The following PLXNA2 variants were observed in gnomAD, a reference collection of about 807,000 sequenced individuals.
PLXNA2 encodes plexin A2.
In PLXNA2, 91 loss-of-function variants were observed where a neutral mutation model predicts 193.5. The observed-to-expected ratio is 0.47, with a 90% CI of 0.40 to 0.56. PLXNA2 has a LOEUF of 0.56. Ranked by LOEUF, PLXNA2 falls within the 20% of genes least tolerant of loss-of-function variation. PLXNA2 has a pLI of 0.00. For missense variants in PLXNA2, 1,995 were observed against 2,503.2 expected (o/e 0.80, Z 4.33); for synonymous variants, 997 against 1,027.3 (o/e 0.97, Z 0.56).
At position 208,217,068 on chromosome 1, in the gene PLXNA2, C is replaced by T; in HGVS notation, c.855G>A (p.Lys285=). 6.2e-7 allele frequency: 1 copy of T among 1,613,848 alleles called. No homozygotes were observed. Among genetic ancestry groups the T allele is most frequent in the Non-Finnish European group, 8.5e-7 (1 of 1,179,736 alleles). The change falls in exon 2 of 32, where the codon AAG becomes AAA. Residue 285 remains lysine, a synonymous_variant. Coordinates refer to ENST00000367033, the MANE Select transcript of PLXNA2 (RefSeq NM_025179.4). This position sits in a 1 kb window ranked among gnomAD's most constrained non-coding sequence, Gnocchi z 4.7. The part of the protein sequence containing the change: ...FYTSRIVRLC[K]DDPKFHSYVS... ...CGTATGAGTGGAACTTGGGGTCATC[C>T]TTGCAGAGCCGCACGATGCGTGAGG...
In PLXNA2 at chr1:208,022,303, C is replaced by A. The variant is rs995819366; in HGVS notation, c.*4940G>T. The stretch of plus-strand genomic sequence containing the variant: ...ACTTTATTTATATATAACAACAGTA[C>A]AAATTGTGTCCTCAGCTTGCAAAAT... On this transcript the variant is annotated 3_prime_UTR_variant, in exon 32 of 32. Transcript: ENST00000367033. 1 of 152,252 alleles carries A rather than the reference C, an allele frequency of 6.6e-6. No individual in the cohort carries two copies. Among genetic ancestry groups the A allele is most frequent in the African/African-American group, 2.4e-5 (1 of 41,278 alleles). 9.4% of individuals were successfully genotyped at this position (152,252 alleles called of 1,614,324 possible). A position where few individuals can be genotyped will look rare whatever the true frequency, so the allele number is the denominator to read the frequency against.
intron 4 of PLXNA2, among the ~76,000 whole-genome samples, chr1:208,115,101 C>G (rs1046760956): frequency 6.6e-6 from 1 of 152,108 alleles, no homozygotes; most frequent in Non-Finnish European, 1.5e-5. Context: ...GTTTGGGAAC[C>G]TTTATAGACT....
chr1:208,068,723 C>T (rs12062057), intron 12 of PLXNA2, among the ~76,000 whole-genome samples: 40,836 of 152,124 alleles, frequency 0.27, 5,621 homozygotes, highest in East Asian at 0.36. Context: ...CTGGGCAAAA[C>T]CCAGTGGAGG....
intron 4 of PLXNA2, among the ~76,000 whole-genome samples, chr1:208,103,964 G>C (rs1043764405): frequency 1.1e-4 from 16 of 152,124 alleles, no homozygotes; most frequent in African/African-American, 3.6e-4. Context: ...GCAGGGGCTT[G>C]AGCTGGGCCT....
intron 26 of PLXNA2, 67 bp from the exon 27 acceptor site, chr1:208,034,659 A>T: frequency 1.0e-6 from 1 of 970,976 alleles, no homozygotes. Flanking sequence ...TGGATAGTCA[A>T]GTATTTCTAG....
At chr1:208,201,709 C>T (rs543926436) in intron 3 of PLXNA2, among the ~76,000 whole-genome samples, 39 of 152,022 alleles carry the variant, frequency 2.6e-4, no homozygotes, top group African/African-American at 9.2e-4. Flanking sequence ...TTAATCCTTA[C>T]AACAAATATG....
intron 9 of PLXNA2, among the ~76,000 whole-genome samples, chr1:208,089,018 G>A (rs1052294173): frequency 1.3e-5 from 2 of 152,080 alleles, no homozygotes; most frequent in Non-Finnish European, 2.9e-5. Context: ...GAGTACTTAA[G>A]GTTAAATTAT....
chr1:208,034,420 G>A (rs1380317777), intron 27 of PLXNA2, 73 bp downstream of exon 27: 1 of 923,300 alleles, frequency 1.1e-6, no homozygotes, highest in Non-Finnish European at 1.8e-6. Context: ...TGTTAGAAGG[G>A]GTAGCGAGTG....
rs1671184627 is a variant in PLXNA2, at chr1:208,217,720, T to G, written c.203A>C (p.Asn68Thr). ...GTGAVYVGAINRVYKLTGNLT... is the reference protein window; with the variant it reads ...GTGAVYVGAITRVYKLTGNLT... The stretch of plus-strand genomic sequence containing the variant: ...GTTGCCTGTCAGCTTATAGACCCGG[T>G]TGATGGCCCCCACATAGACGGCCCC... The change falls in exon 2 of 32, where the codon AAC becomes ACC. Residue 68 changes from asparagine (N) to threonine (T), a missense_variant. Physicochemically the swap from Asn to Thr is moderately conservative, Grantham distance 65. This residue lies in a region of PLXNA2 where 702 missense variants were observed against 812.9 expected (regional missense o/e 0.86). Coordinates refer to ENST00000367033, the MANE Select transcript of PLXNA2 (RefSeq NM_025179.4). This position sits in a 1 kb window ranked among gnomAD's most constrained non-coding sequence, Gnocchi z 4.7. The G allele has an allele frequency of 6.2e-7, 1 of 1,614,026 alleles. No individual in the cohort carries two copies. The highest frequency in any genetic ancestry group is 8.5e-7 in the Non-Finnish European group (1 of 1,180,022).
At chr1:208,154,656 C>T (rs1439577151) in intron 3 of PLXNA2, among the ~76,000 whole-genome samples, 3 of 152,222 alleles carry the variant, frequency 2.0e-5, no homozygotes, top group African/African-American at 4.8e-5. Context: ...ACAAGTCTCG[C>T]CTTGGGCAGT....
chr1:208,101,081 G>C (rs1027533960), intron 5 of PLXNA2, among the ~76,000 whole-genome samples: 5 of 152,214 alleles, frequency 3.3e-5, no homozygotes, highest in Admixed American at 2.6e-4. Flanking sequence ...CCTTAAGATA[G>C]CTCTAAAGTG....
intron 4 of PLXNA2, among the ~76,000 whole-genome samples, chr1:208,141,389 C>T (rs1479762260): frequency 6.6e-6 from 1 of 152,200 alleles, no homozygotes; most frequent in Non-Finnish European, 1.5e-5. Flanking sequence ...ATGACATGAG[C>T]TGGGAAGCAA....
chr1:208,116,377 G>C (rs1385137076), intron 4 of PLXNA2, among the ~76,000 whole-genome samples: 1 of 152,098 alleles, frequency 6.6e-6, no homozygotes, highest in Non-Finnish European at 1.5e-5. Flanking sequence ...TTTCTTGTAC[G>C]AAATAGGTCT....
chr1:208,087,401 T>G (rs1470507782), intron 9 of PLXNA2, among the ~76,000 whole-genome samples: 2 of 151,806 alleles, frequency 1.3e-5, no homozygotes, highest in East Asian at 3.9e-4. Flanking sequence ...TACATGAGTT[T>G]TTTTTTTTTT....
At chr1:208,091,793 C>G (rs866492944) in intron 9 of PLXNA2, among the ~76,000 whole-genome samples, 2 of 150,116 alleles carry the variant, frequency 1.3e-5, no homozygotes, top group Non-Finnish European at 3.0e-5. Context: ...TTGCTTGAAC[C>G]CGGGAGGCAG....
rs148062478 is a variant in PLXNA2 at position 208,160,064 on chromosome 1, C to T, written c.1372-17601G>A. Among the ~76,000 whole-genome samples, 545 of 152,344 alleles carry T rather than the reference C, an allele frequency of 3.6e-3. 3 individuals carry two copies. The highest frequency in any genetic ancestry group is 0.017 in the Middle Eastern group (5 of 294). On this transcript the variant is annotated intron_variant, in intron 3 of 31. Coordinates refer to ENST00000367033, the MANE Select transcript of PLXNA2 (RefSeq NM_025179.4). ...GCTCCTCTGGTCTCGGCAGCTCCCT[C>T]AGCTCTGATTCAGCTGCACTCGGAA... is the stretch of plus-strand genomic sequence containing the variant.
intron 12 of PLXNA2, among the ~76,000 whole-genome samples, chr1:208,072,506 C>A (rs1387741207): frequency 2.6e-5 from 4 of 152,164 alleles, no homozygotes; most frequent in Non-Finnish European, 5.9e-5. Context: ...CTACCTGGGC[C>A]CCATTGTCTG....
At chr1:208,101,027 T>C (rs1306556968) in intron 5 of PLXNA2, among the ~76,000 whole-genome samples, 1 of 152,220 alleles carries the variant, frequency 6.6e-6, no homozygotes, top group Non-Finnish European at 1.5e-5. Context: ...TGGATCTAAA[T>C]ATGAATGCTG....
Position 208,054,496 on chromosome 1 carries a change from G to A in PLXNA2, c.2781C>T (p.Ser927=), listed in dbSNP as rs375794085. ...CGCCAATACACAGGCGTACTGGCCC[G>A]GAGGTGGTTCCCACGAGGGCATGGC... ...EMGHALVGTT[S]GPVRLCIGEC... Residue 927 remains serine, a synonymous_variant, in exon 14 of 32, where the codon TCC becomes TCT. Coordinates refer to ENST00000367033, the MANE Select transcript of PLXNA2 (RefSeq NM_025179.4). 69 of 1,614,124 alleles carry A rather than the reference G, an allele frequency of 4.3e-5. No homozygotes were observed. Among genetic ancestry groups the A allele is most frequent in the Admixed American group, 1.7e-4 (10 of 60,008 alleles).
Sources: gnomAD v4.1 joint callset for allele counts (sites outside exome capture counted in the v4.1 genomes callset) on GRCh38, gnomAD v4.1.1 for gene constraint, gnomAD v4.1.1 regional missense constraint, Gnocchi (gnomAD v3.1) non-coding constraint, MANE v1.5 for transcripts, NCBI Gene and HGNC (gene_info 2026-07-23, HGNC 2026-07-21) for gene names.